AQP4: variants seen among roughly 807,000 people sequenced by gnomAD.
The protein encoded by AQP4 is aquaporin 4.
A neutral mutation model predicts 27.8 loss-of-function variants in AQP4; 18 were observed. The observed-to-expected ratio is 0.65, with a 90% CI of 0.45 to 0.96. The LOEUF (loss-of-function observed/expected upper bound fraction) is 0.96, where lower values mean the gene tolerates loss of function less well. AQP4 is among the 40% of genes least tolerant of loss of function. The pLI, the probability that AQP4 is intolerant of heterozygous loss-of-function variation, is 0.00. For synonymous variants in AQP4, 141 were observed against 142.9 expected, an observed-to-expected ratio of 0.99 and a Z score of 0.10; for missense variants, 412 against 408.2, an observed-to-expected ratio of 1.01 and a Z score of -0.08.
At chr18:26,858,882 AAAT>A (rs1352104258) in intron 4 of AQP4, among the ~76,000 whole-genome samples, 1 of 152,228 alleles carries the variant, frequency 6.6e-6, no homozygotes, top group African/African-American at 2.4e-5. Context: ...AAGAAAACTA[AAAT>A]AATATCATTA....
At chr18:26,863,532 A>G (rs2054998597) in intron 1 of AQP4, among the ~76,000 whole-genome samples, 1 of 151,922 alleles carries the variant, frequency 6.6e-6, no homozygotes, top group Non-Finnish European at 1.5e-5. Context: ...GGATGCTTTT[A>G]GGGGAGGAAG....
rs1032968812 is a variant in AQP4, at chr18:26,853,348, T to A, written c.*2863A>T. 2.6e-5 allele frequency: 4 copies of A among 153,496 alleles called. No homozygotes were observed. Among genetic ancestry groups the A allele is most frequent in the African/African-American group, 9.6e-5 (4 of 41,550 alleles). 9.5% of individuals were successfully genotyped at this position (153,496 alleles called of 1,614,324 possible). A position where few individuals can be genotyped will look rare whatever the true frequency, so the allele number is the denominator to read the frequency against. On this transcript the variant is annotated 3_prime_UTR_variant, in exon 5 of 5. Coordinates refer to ENST00000383168, the MANE Select transcript of AQP4 (RefSeq NM_001650.7). ...GGTTAAGGCTCTTTGAAGAAAATGT[T>A]ATCTTCAACAATGGAAACATACATT...
At chr18:26,856,811 A>G (rs1255997602) in intron 4 of AQP4, among the ~76,000 whole-genome samples, 2 of 152,226 alleles carry the variant, frequency 1.3e-5, no homozygotes, top group African/African-American at 4.8e-5. Flanking sequence ...AAGCGCACTA[A>G]GAATTCTTTA....
chr18:26,865,644 AAAG>A lies in AQP4; in HGVS notation c.32+11_32+13del, dbSNP rs1261635359. On this transcript the variant is annotated intron_variant, in intron 1 of 4. Coordinates refer to ENST00000383168, the MANE Select transcript of AQP4 (RefSeq NM_001650.7). ...GCCCTAAGCGTTGTTCCCTTAAGGC[AAAG>A]AAGGACTTACCCCCACCGCCTTGCT... The A allele has an allele frequency of 3.7e-6, 6 of 1,614,066 alleles. No individual in the cohort carries two copies. Among genetic ancestry groups the A allele is most frequent in the Non-Finnish European group, 5.1e-6 (6 of 1,180,034 alleles).
chr18:26,856,436 C>G lies in AQP4; in HGVS notation c.747G>C (p.Glu249Asp). ...ATTCAACATCTGGACAGAAGACATA[C>G]TCATAAAGGCCACCAGCGAGGACAG... is the stretch of plus-strand genomic sequence containing the variant. Reference protein sequence around the residue: ...IGAVLAGGLYEYVFCPDVEFK... With the variant: ...IGAVLAGGLYDYVFCPDVEFK... The change falls in exon 5 of 5, where the codon GAG (glutamate) becomes GAC (aspartate). Residue 249 changes from glutamate (E) to aspartate (D), a missense_variant. Physicochemically the swap from Glu to Asp is conservative, Grantham distance 45. Coordinates refer to ENST00000383168, the MANE Select transcript of AQP4 (RefSeq NM_001650.7). 6.2e-7 allele frequency: 1 copy of G among 1,614,186 alleles called. No homozygotes were observed. The highest frequency in any genetic ancestry group is 1.7e-5 in the Admixed American group (1 of 60,028).
chr18:26,865,354 C>T (rs1021402143), intron 1 of AQP4: 39 of 495,334 alleles, frequency 7.9e-5, no homozygotes, highest in Non-Finnish European at 1.1e-4. Flanking sequence ...GACAGCTGAG[C>T]GTCTGGGTGA....
At position 26,853,955 on chromosome 18, in the gene AQP4, G is replaced by A. The variant is rs2144941665; in HGVS notation, c.*2256C>T. The A allele has an allele frequency of 6.6e-6, 1 of 152,030 alleles. No homozygotes were observed. The highest frequency in any genetic ancestry group is 6.5e-5 in the Admixed American group (1 of 15,268). 9.4% of individuals were successfully genotyped at this position (152,030 alleles called of 1,614,324 possible). On this transcript the variant is annotated 3_prime_UTR_variant, in exon 5 of 5. Transcript: ENST00000383168. ...GAAATCATACTTCCTATTAAATATT[G>A]AGCAAAATAAAGATTAAAAGAAAAT...
intron 4 of AQP4, among the ~76,000 whole-genome samples, chr18:26,858,375 G>GA (rs528132327): frequency 8.6e-5 from 13 of 151,842 alleles, no homozygotes; most frequent in East Asian, 1.9e-4. Context: ...ACACTCATTT[G>GA]AAAAAAAACA....
chr18:26,862,937 C>T (rs2054981817), intron 1 of AQP4: 2 of 286,942 alleles, frequency 7.0e-6, no homozygotes, highest in Non-Finnish European at 1.3e-5. Flanking sequence ...TTTTAAGTTT[C>T]GAGTACATTT....
At position 26,856,389 on chromosome 18, in the gene AQP4, G is replaced by T. The variant is rs200121613; in HGVS notation, c.794C>A (p.Ala265Asp). 3 of 1,614,204 alleles carry T rather than the reference G, an allele frequency of 1.9e-6. No homozygotes were observed. Among genetic ancestry groups the T allele is most frequent in the Middle Eastern group, 1.6e-4 (1 of 6,062 alleles). ...DVEFKRRFKE[A>D]FSKAAQQTKG... is the part of the protein sequence containing the mutation. Reference sequence around the variant, plus strand: ...TGTTTGCTGGGCAGCTTTGCTGAAGGCTTCTTTAAAACGACGTTTGAATTC... The same window carrying T: ...TGTTTGCTGGGCAGCTTTGCTGAAGTCTTCTTTAAAACGACGTTTGAATTC... Residue 265 changes from alanine to aspartate, a missense_variant, in exon 5 of 5, where the codon GCC (alanine) becomes GAC (aspartate). Physicochemically the swap from Ala to Asp is moderately radical, Grantham distance 126. Coordinates refer to ENST00000383168, the MANE Select transcript of AQP4 (RefSeq NM_001650.7).
intron 1 of AQP4, among the ~76,000 whole-genome samples, chr18:26,863,457 C>T (rs63514): frequency 0.18 from 27,723 of 151,984 alleles, 2,731 homozygotes; most frequent in East Asian, 0.38. Flanking sequence ...GCCCCGCGAG[C>T]TCGCCCGCCT....
At position 26,860,214 on chromosome 18, in the gene AQP4, A is replaced by T. The variant is rs182881333; in HGVS notation, c.693+558T>A. On this transcript the variant is annotated intron_variant, in intron 4 of 4. Coordinates refer to ENST00000383168, the MANE Select transcript of AQP4 (RefSeq NM_001650.7). ...CGGTAACAGTTATGGTGATAATAAC[A>T]TAAACCTTTGCACTATTTATTCGAC... Among the ~76,000 whole-genome samples the T allele has an allele frequency of 2.0e-3, 298 of 152,360 alleles. 3 individuals are homozygous for T. Among genetic ancestry groups the T allele is most frequent in the African/African-American group, 6.7e-3 (277 of 41,586 alleles).
intron 1 of AQP4, chr18:26,865,438 T>C: frequency 1.6e-6 from 1 of 641,384 alleles, no homozygotes; most frequent in South Asian, 1.8e-5. Context: ...TTTGCAGATC[T>C]GAAACATATG....
At chr18:26,861,056 CA>C in intron 3 of AQP4, 74 bp downstream of exon 3, 14 of 1,570,688 alleles carry the variant, frequency 8.9e-6, no homozygotes, top group Non-Finnish European at 1.2e-5. Context: ...TGCTGTAAAA[CA>C]CAACATCTTC....
intron 4 of AQP4, among the ~76,000 whole-genome samples, chr18:26,860,213 C>T (rs28685311): frequency 0.012 from 1,758 of 152,240 alleles, 40 homozygotes; most frequent in African/African-American, 0.038. Context: ...GTGATAATAA[C>T]ATAAACCTTT....
In AQP4 at chr18:26,862,343, T is replaced by C. The variant is rs2144968639; in HGVS notation, c.286A>G (p.Ile96Val). Residue 96 changes from isoleucine (I) to valine (V), a missense_variant, in exon 2 of 5, where the codon ATC becomes GTC. By Grantham distance (29) the Ile-to-Val change is conservative. Transcript: ENST00000383168. Reference protein sequence around the residue: ...QCFGHISGGHINPAVTVAMVC... With the variant: ...QCFGHISGGHVNPAVTVAMVC... ...ATGGCCACAGTCACTGCAGGGTTGA[T>C]GTGGCCACCGCTGATATGGCCAAAG... The C allele has an allele frequency of 6.2e-7, 1 of 1,614,214 alleles. No individual in the cohort carries two copies. The highest frequency in any genetic ancestry group is 1.1e-5 in the South Asian group (1 of 91,076).
rs779120344 is a variant in AQP4 at position 26,865,664 on chromosome 18, C to T, written c.26G>A (p.Arg9Gln). The change falls in exon 1 of 5, where the codon CGG (arginine) becomes CAG (glutamine). Residue 9 changes from arginine (R) to glutamine (Q), a missense_variant. Transcript: ENST00000383168. MSDRPTAR[R>Q]WGKCGPLCTR... ...AAGGCAAAGAAGGACTTACCCCCAC[C>T]GCCTTGCTGTGGGTCTGTCACTCAT... 116 of 1,614,068 alleles carry T rather than the reference C, an allele frequency of 7.2e-5. No homozygotes were observed. The highest frequency in any genetic ancestry group is 9.0e-5 in the Non-Finnish European group (106 of 1,180,034).
chr18:26,860,548 T>C lies in AQP4; in HGVS notation c.693+224A>G, dbSNP rs568053144. On this transcript the variant is annotated intron_variant, in intron 4 of 4. Coordinates refer to ENST00000383168, the MANE Select transcript of AQP4 (RefSeq NM_001650.7). ...GCTTCAAAAAAGGAAAAGACTATTA[T>C]TGGAGGCCTAGAACCTTCAGTTAGA... The C allele has an allele frequency of 6.0e-4, 309 of 513,486 alleles. 1 individual carries two copies. Among genetic ancestry groups the C allele is most frequent in the African/African-American group, 4.8e-3 (247 of 51,814 alleles). The allele number at this position is 513,486 out of a possible 1,614,324, so 31.8% of individuals were successfully genotyped here. A position where few individuals can be genotyped will look rare whatever the true frequency, so the allele number is the denominator to read the frequency against.
In AQP4 at chr18:26,862,313, A is replaced by C; in HGVS notation, c.316T>G (p.Cys106Gly). 1 of 1,614,188 alleles carries C rather than the reference A, an allele frequency of 6.2e-7. No homozygotes were observed. Among genetic ancestry groups the C allele is most frequent in the Non-Finnish European group, 8.5e-7 (1 of 1,180,034 alleles). ...INPAVTVAMV[C>G]TRKISIAKSV... is the part of the protein sequence containing the mutation. ...TTGGCGATGCTGATCTTCCTGGTGC[A>C]CACCATGGCCACAGTCACTGCAGGG... The change falls in exon 2 of 5, where the codon TGC (cysteine) becomes GGC (glycine). Residue 106 changes from cysteine (C) to glycine (G), a missense_variant. Physicochemically the swap from Cys to Gly is radical, Grantham distance 159. Transcript: ENST00000383168.
Sources: allele counts gnomAD v4.1 joint callset (sites outside exome capture counted in the v4.1 genomes callset), GRCh38; gene constraint gnomAD v4.1.1; transcripts MANE v1.5; gene names NCBI Gene and HGNC (gene_info 2026-07-23, HGNC 2026-07-21).